SLC35A5: variants seen among roughly 807,000 people sequenced by gnomAD.
SLC35A5 encodes solute carrier family 35 member A5, also known as UDP-sugar transporter protein SLC35A5.
A neutral mutation model predicts 36.3 loss-of-function variants in SLC35A5; 28 were observed. The ratio of observed to expected loss-of-function variants is 0.77; its 90% CI spans 0.57 to 1.06. The LOEUF (loss-of-function observed/expected upper bound fraction) is 1.06. SLC35A5 is among the 50% of genes least tolerant of loss of function. The probability of loss-of-function intolerance (pLI) is 0.00; values close to 1 mark genes in which losing one functional copy is unlikely to be tolerated. For missense variants in SLC35A5, 521 were observed against 499.3 expected, an observed-to-expected ratio of 1.04 and a Z score of -0.41; for synonymous variants, 180 against 173.7, an observed-to-expected ratio of 1.04 and a Z score of -0.29.
At chr3:112,580,213 CT>C (rs560346870) in intron 5 of SLC35A5, among the ~76,000 whole-genome samples, 1 of 152,162 alleles carries the variant, frequency 6.6e-6, no homozygotes, top group South Asian at 2.1e-4. Flanking sequence ...TCTGCTGTAA[CT>C]TTATAGTACA....
At chr3:112,564,747 C>G (rs1223026322) in intron 2 of SLC35A5, among the ~76,000 whole-genome samples, 1 of 152,088 alleles carries the variant, frequency 6.6e-6, no homozygotes, top group Non-Finnish European at 1.5e-5. Context: ...GTCGCTGCGG[C>G]TTTCCACAGT....
At chr3:112,568,421 G>C (rs1357748017) in intron 2 of SLC35A5, among the ~76,000 whole-genome samples, 1 of 152,232 alleles carries the variant, frequency 6.6e-6, no homozygotes, top group Non-Finnish European at 1.5e-5. Flanking sequence ...TGTAAAGCGA[G>C]TTGTTTGTAA....
chr3:112,566,820 T>G (rs1317290373), intron 2 of SLC35A5, among the ~76,000 whole-genome samples: 3 of 152,114 alleles, frequency 2.0e-5, no homozygotes, highest in African/African-American at 7.2e-5. Context: ...CAGGGAGAGA[T>G]GGAGAAGGTA....
At chr3:112,561,523 C>T (rs375873128), upstream of SLC35A5, 215 of 1,610,594 alleles carry the variant, frequency 1.3e-4, 2 homozygotes, top group South Asian at 2.3e-3. Flanking sequence ...TAATCACATT[C>T]TGCATCCTGG....
intron 2 of SLC35A5, 91 bp downstream of exon 2, chr3:112,563,624 T>A (rs1934053645): frequency 7.9e-7 from 1 of 1,267,930 alleles, no homozygotes; most frequent in Non-Finnish European, 1.0e-6. Flanking sequence ...AACATGGAAA[T>A]AATAATGCCT....
In SLC35A5 at chr3:112,581,107, G is replaced by A. The variant is rs775935432; in HGVS notation, c.990G>A (p.Met330Ile). ...VAFILKFLDN[M>I]FHVLMAQVTT... ...TCATTCTGAAGTTCCTGGATAACAT[G>A]TTCCATGTCTTGATGGCCCAGGTTA... Residue 330 changes from methionine to isoleucine, a missense_variant, in exon 6 of 7, where the codon ATG (methionine) becomes ATA (isoleucine). Coordinates refer to ENST00000492406, the MANE Select transcript of SLC35A5 (RefSeq NM_017945.5). 1.2e-6 allele frequency: 2 copies of A among 1,613,854 alleles called. No individual in the cohort carries two copies. The highest frequency in any genetic ancestry group is 1.3e-5 in the African/African-American group (1 of 74,876).
chr3:112,570,525 G>T lies in SLC35A5; in HGVS notation c.230-15G>T. On this transcript the variant is annotated splice_polypyrimidine_tract_variant and intron_variant, in intron 3 of 6. Coordinates refer to ENST00000492406, the MANE Select transcript of SLC35A5 (RefSeq NM_017945.5). ...CATTCTCATCAAGGTCATTTACACC[G>T]TGTTTCTTTCTAAGATCATCAAAGT... 1 of 1,602,532 alleles carries T rather than the reference G, an allele frequency of 6.2e-7. No individual in the cohort carries two copies. Among genetic ancestry groups the T allele is most frequent in the South Asian group, 1.1e-5 (1 of 89,002 alleles).
intron 2 of SLC35A5, among the ~76,000 whole-genome samples, chr3:112,566,799 T>A (rs1934215082): frequency 6.6e-6 from 1 of 152,246 alleles, no homozygotes; most frequent in African/African-American, 2.4e-5. Flanking sequence ...TAAAGAACGT[T>A]GATACTGTTT....
At chr3:112,580,416 G>T (rs1934854465) in intron 5 of SLC35A5, 130 bp from the exon 6 acceptor site, 1 of 995,004 alleles carries the variant, frequency 1.0e-6, no homozygotes, top group Non-Finnish European at 1.5e-6. Flanking sequence ...CTGAACTTGA[G>T]TGGTAGGAAA....
intron 6 of SLC35A5, among the ~76,000 whole-genome samples, 166 bp from the exon 7 acceptor site, chr3:112,582,505 A>G (rs563394828): frequency 1.3e-5 from 2 of 152,240 alleles, no homozygotes; most frequent in South Asian, 4.1e-4. Flanking sequence ...TTATCCTCTC[A>G]TACTTCTATA....
At chr3:112,563,347 C>A in intron 1 of SLC35A5, 38 bp from the exon 2 acceptor site, 1 of 1,400,070 alleles carries the variant, frequency 7.1e-7, no homozygotes, top group Non-Finnish European at 9.4e-7. Context: ...TTAGGGTCTG[C>A]CAACAAGGTC....
chr3:112,567,357 G>T (rs769298637), intron 2 of SLC35A5, among the ~76,000 whole-genome samples: 1 of 150,846 alleles, frequency 6.6e-6, no homozygotes, highest in South Asian at 2.2e-4. Flanking sequence ...GCACTGGCGC[G>T]ATCTCAGCTC....
At chr3:112,563,033 C>T (rs1030069903) in intron 1 of SLC35A5, among the ~76,000 whole-genome samples, 48 of 152,322 alleles carry the variant, frequency 3.2e-4, no homozygotes, top group African/African-American at 1.2e-3. Flanking sequence ...GCACTCCAGC[C>T]TGGGTGACAG....
upstream of SLC35A5, chr3:112,561,364 C>T: frequency 3.0e-6 from 4 of 1,350,380 alleles, no homozygotes; most frequent in East Asian, 2.4e-5. Context: ...CTACACCTTG[C>T]CCCGCCGGAG....
Position 112,581,229 on chromosome 3 carries a change from T to A in SLC35A5, c.1112T>A (p.Phe371Tyr). The change falls in exon 6 of 7, where the codon TTT becomes TAT. Residue 371 changes from phenylalanine (F) to tyrosine (Y), a missense_variant. Coordinates refer to ENST00000492406, the MANE Select transcript of SLC35A5 (RefSeq NM_017945.5). ...GCCCCATCAGTCCTTCTCTCTATATTTATTTATAATGCCAGCAAGCCTCAA... is the reference window on the plus strand; with the variant it reads ...GCCCCATCAGTCCTTCTCTCTATATATATTTATAATGCCAGCAAGCCTCAA... ...LEAPSVLLSI[F>Y]IYNASKPQVP... 1 of 1,613,848 alleles carries A rather than the reference T, an allele frequency of 6.2e-7. No individual in the cohort carries two copies. Among genetic ancestry groups the A allele is most frequent in the South Asian group, 1.1e-5 (1 of 91,050 alleles).
At chr3:112,572,003 C>T (rs1247620960) in intron 4 of SLC35A5, among the ~76,000 whole-genome samples, 2 of 123,192 alleles carry the variant, frequency 1.6e-5, no homozygotes, top group African/African-American at 3.1e-5. Flanking sequence ...ACTGCAGTGG[C>T]GCAATCTCGG....
Position 112,570,583 on chromosome 3 carries a change from C to G in SLC35A5, c.273C>G (p.Phe91Leu). The change falls in exon 4 of 7, where the codon TTC becomes TTG. Residue 91 changes from phenylalanine to leucine, a missense_variant. Physicochemically the swap from Phe to Leu is conservative, Grantham distance 22 (BLOSUM62 0). Transcript: ENST00000492406. Reference protein sequence around the residue: ...RNLKYASWKEFSDFMKWSIPA... With the variant: ...RNLKYASWKELSDFMKWSIPA... ...TGAAATATGCTTCCTGGAAGGAATT[C>G]TCTGATTTCATGAAGTGGTCCATTC... 1 of 1,612,702 alleles carries G rather than the reference C, an allele frequency of 6.2e-7. No individual in the cohort carries two copies. Among genetic ancestry groups the G allele is most frequent in the Non-Finnish European group, 8.5e-7 (1 of 1,179,382 alleles).
At chr3:112,570,696 C>A (rs745580430) in intron 4 of SLC35A5, 26 bp downstream of exon 4, 2 of 1,525,928 alleles carry the variant, frequency 1.3e-6, no homozygotes, top group Non-Finnish European at 1.8e-6. Flanking sequence ...AAAGAAAATA[C>A]CATTGAAAAG....
chr3:112,573,024 C>A (rs892410364), intron 4 of SLC35A5, among the ~76,000 whole-genome samples: 1 of 152,088 alleles, frequency 6.6e-6, no homozygotes, highest in African/African-American at 2.4e-5. Flanking sequence ...ATGTTATATT[C>A]TTGGAGTTGT....
Sources: gnomAD v4.1 joint callset for allele counts (sites outside exome capture counted in the v4.1 genomes callset) on GRCh38, gnomAD v4.1.1 for gene constraint, MANE v1.5 for transcripts, NCBI Gene and HGNC (gene_info 2026-07-23, HGNC 2026-07-21) for gene names.